The following LMO7 variants were observed in gnomAD, a reference collection of about 807,000 sequenced individuals.
The protein encoded by LMO7 is LIM domain only protein 7.
Under a neutral mutation model 206.5 loss-of-function variants are expected in LMO7, and 120 were observed. That is an observed-to-expected ratio of 0.58 (90% CI 0.50 to 0.68). The LOEUF (loss-of-function observed/expected upper bound fraction) is 0.68, where lower values mean the gene tolerates loss of function less well. LMO7 is among the 30% of genes least tolerant of loss of function. The pLI is 0.00. For missense variants in LMO7, 1,959 were observed against 1,957.9 expected (o/e 1.00, Z -0.01); for synonymous variants, 706 against 681.5 (o/e 1.04, Z -0.56).
intron 10 of LMO7, among the ~76,000 whole-genome samples, chr13:75,808,428 T>C (rs537642239): frequency 1.1e-3 from 166 of 152,338 alleles, no homozygotes; most frequent in Admixed American, 3.0e-3. Context: ...TTTAAGACTG[T>C]ATATACATAA....
At chr13:75,845,503 T>A in intron 26 of LMO7, 124 bp downstream of exon 26, 1 of 563,938 alleles carries the variant, frequency 1.8e-6, no homozygotes, top group Non-Finnish European at 3.1e-6. Flanking sequence ...AAATACTTAG[T>A]ATTTTAACCT....
At chr13:75,833,939 CTT>C (rs1234435322) in intron 16 of LMO7, among the ~76,000 whole-genome samples, 1 of 151,942 alleles carries the variant, frequency 6.6e-6, no homozygotes, top group Non-Finnish European at 1.5e-5. Context: ...TTAAGAGTAA[CTT>C]AAATTTTTTT....
At chr13:75,821,839 A>G (rs1396485978) in intron 14 of LMO7, among the ~76,000 whole-genome samples, 1 of 152,228 alleles carries the variant, frequency 6.6e-6, no homozygotes, top group Admixed American at 6.5e-5. Context: ...ATACATTTTA[A>G]AGAATGAATA....
At chr13:75,624,402 G>C (rs2033751253) in intron 2 of LMO7, among the ~76,000 whole-genome samples, 1 of 152,146 alleles carries the variant, frequency 6.6e-6, no homozygotes, top group Admixed American at 6.5e-5. Flanking sequence ...TTGTAGGAGA[G>C]AGCACCTTTC....
chr13:75,730,111 A>C (rs1232917270), intron 3 of LMO7, among the ~76,000 whole-genome samples: 7 of 151,956 alleles, frequency 4.6e-5, no homozygotes, highest in Non-Finnish European at 7.4e-5. Context: ...TGTCTCTGCC[A>C]GGCTTTGGTA....
chr13:75,841,031 C>A, intron 22 of LMO7, 78 bp from the exon 23 acceptor site: 1 of 884,080 alleles, frequency 1.1e-6, no homozygotes, highest in Non-Finnish European at 1.8e-6. Flanking sequence ...GTTTAGAGAT[C>A]ATAAAAGTGT....
intron 1 of LMO7, among the ~76,000 whole-genome samples, chr13:75,654,818 A>C (rs921865426): frequency 5.3e-5 from 8 of 151,258 alleles, no homozygotes; most frequent in Non-Finnish European, 8.8e-5. Context: ...TTATTTTTCA[A>C]ATATTTTCCT....
At chr13:75,788,585 T>G (rs915348588) in intron 4 of LMO7, among the ~76,000 whole-genome samples, 2 of 152,126 alleles carry the variant, frequency 1.3e-5, no homozygotes, top group African/African-American at 4.8e-5. Flanking sequence ...TTAAACCAGA[T>G]GCAGTCCATA....
intron 15 of LMO7, 37 bp downstream of exon 15, chr13:75,823,910 G>C (rs1380151102): frequency 3.3e-6 from 5 of 1,536,372 alleles, no homozygotes; most frequent in Non-Finnish European, 4.5e-6. Context: ...CTGTGGCTCA[G>C]ACACTTACAC....
At chr13:75,819,235 C>T in intron 12 of LMO7, 158 bp from the exon 13 acceptor site, 1 of 672,800 alleles carries the variant, frequency 1.5e-6, no homozygotes, top group Non-Finnish European at 2.4e-6. Flanking sequence ...AGGCTTGGTA[C>T]AGAAACGCTG....
intron 3 of LMO7, among the ~76,000 whole-genome samples, chr13:75,737,519 C>T (rs1233465213): frequency 3.4e-5 from 5 of 148,690 alleles, no homozygotes; most frequent in African/African-American, 7.5e-5. Flanking sequence ...TCTGGGAGGC[C>T]GAGGCGGGCG....
At chr13:75,753,921 C>G (rs891425355) in intron 3 of LMO7, among the ~76,000 whole-genome samples, 4 of 152,144 alleles carry the variant, frequency 2.6e-5, no homozygotes, top group Non-Finnish European at 5.9e-5. Context: ...TAATTTGAGA[C>G]AGGTACACTA....
chr13:75,764,221 C>T (rs2048559688), intron 4 of LMO7, among the ~76,000 whole-genome samples: 1 of 150,782 alleles, frequency 6.6e-6, no homozygotes, highest in African/African-American at 2.5e-5. Context: ...GATTTAGTCT[C>T]CATGAATGGT....
chr13:75,657,648 T>A (rs1248670430), intron 1 of LMO7, among the ~76,000 whole-genome samples: 1 of 152,238 alleles, frequency 6.6e-6, no homozygotes, highest in Non-Finnish European at 1.5e-5. Flanking sequence ...TTATGGTTTT[T>A]AAATTTGCAT....
chr13:75,760,488 C>T, intron 3 of LMO7: 1 of 1,272,390 alleles, frequency 7.9e-7, no homozygotes, highest in South Asian at 2.7e-5. Context: ...TGTTCCTCCT[C>T]TTATTTCTTC....
chr13:75,639,550 C>G (rs2036305849), intron 1 of LMO7, among the ~76,000 whole-genome samples: 1 of 145,044 alleles, frequency 6.9e-6, no homozygotes, highest in Non-Finnish European at 1.5e-5. Flanking sequence ...CAAGGCTACG[C>G]AGTGGCTGAT....
At chr13:75,775,315 G>T (rs1280683415) in intron 4 of LMO7, among the ~76,000 whole-genome samples, 1 of 151,764 alleles carries the variant, frequency 6.6e-6, no homozygotes, top group Non-Finnish European at 1.5e-5. Context: ...AACTCAAGGT[G>T]GATTAAAGAC....
At chr13:75,796,605 CTTG>C (rs2054043702) in intron 5 of LMO7, 28 bp from the exon 6 acceptor site, 3 of 1,382,882 alleles carry the variant, frequency 2.2e-6, no homozygotes, top group African/African-American at 1.5e-5. Context: ...ATCGACTGAT[CTTG>C]TTGTTCATGG....
intron 2 of LMO7, among the ~76,000 whole-genome samples, chr13:75,629,867 A>G (rs2034687212): frequency 6.6e-6 from 1 of 152,158 alleles, no homozygotes; most frequent in Admixed American, 6.5e-5. Flanking sequence ...ATGACCCTCA[A>G]ATTTTAGGCA....
Sources: allele counts gnomAD v4.1 joint callset (sites outside exome capture counted in the v4.1 genomes callset), GRCh38; gene constraint gnomAD v4.1.1; transcripts MANE v1.5; gene names NCBI Gene and HGNC (gene_info 2026-07-23, HGNC 2026-07-21).